SH3GL2: variants seen among roughly 807,000 people sequenced by gnomAD.
The protein encoded by SH3GL2 is SH3 domain containing GRB2 like 2, endophilin A1, also known as endophilin-A1.
SH3GL2 carries 24 observed loss-of-function variants against 46.0 expected under a neutral mutation model. The observed-to-expected ratio is 0.52, with a 90% CI of 0.38 to 0.73. The LOEUF (loss-of-function observed/expected upper bound fraction) is 0.73. Ranked by LOEUF, SH3GL2 falls within the 30% of genes least tolerant of loss-of-function variation. The probability of loss-of-function intolerance (pLI) is 0.00; values close to 1 mark genes in which losing one functional copy is unlikely to be tolerated. For missense variants in SH3GL2, 413 were observed against 424.2 expected, an observed-to-expected ratio of 0.97 and a Z score of 0.23; for synonymous variants, 196 against 147.1, an observed-to-expected ratio of 1.33 and a Z score of -2.40.
chr9:17,735,735 A>T (rs933047039), intron 1 of SH3GL2: 2 of 975,522 alleles, frequency 2.1e-6, no homozygotes, highest in African/African-American at 1.8e-5. Context: ...TTGAGGCAGT[A>T]GGAAATGGGA....
At chr9:17,622,722 T>A (rs2134604535) in intron 1 of SH3GL2, among the ~76,000 whole-genome samples, 1 of 152,254 alleles carries the variant, frequency 6.6e-6, no homozygotes, top group East Asian at 1.9e-4. Context: ...TAGGTGCTCT[T>A]GATGTCCTTA....
chr9:17,620,987 T>C (rs998262079), intron 1 of SH3GL2, among the ~76,000 whole-genome samples: 3 of 152,220 alleles, frequency 2.0e-5, no homozygotes, highest in Admixed American at 6.5e-5. Context: ...AAAATACTTA[T>C]AATGTGTAGT....
chr9:17,777,975 C>T (rs10963267), intron 3 of SH3GL2, among the ~76,000 whole-genome samples: 1 of 151,624 alleles, frequency 6.6e-6, no homozygotes, highest in African/African-American at 2.4e-5. Flanking sequence ...TATTTATAGC[C>T]GAACCCACCA....
Position 17,579,303 on chromosome 9 carries a change from G to A in SH3GL2, c.45+16G>A, listed in dbSNP as rs1011542628. On this transcript the variant is annotated intron_variant, in intron 1 of 8. Coordinates refer to ENST00000380607, the MANE Select transcript of SH3GL2 (RefSeq NM_003026.5). Reference sequence around the variant, plus strand: ...AGCCACTCAGGTAAGGCGCGCGGCAGGTGCGTCCCGGGGCAGTCCGGGGCG... The same window carrying A: ...AGCCACTCAGGTAAGGCGCGCGGCAAGTGCGTCCCGGGGCAGTCCGGGGCG... 1.3e-6 allele frequency: 2 copies of A among 1,551,136 alleles called. No homozygotes were observed. The highest frequency in any genetic ancestry group is 2.6e-5 in the East Asian group (1 of 38,192).
In SH3GL2 at chr9:17,785,120, G is replaced by T. The variant is rs779550080; in HGVS notation, c.188-1261G>T. 3.3e-5 allele frequency among the ~76,000 whole-genome samples: 5 copies of T among 152,262 alleles called. No homozygotes were observed. The South Asian group carries it at 6.2e-4, about 19-fold the overall frequency. On this transcript the variant is annotated intron_variant, in intron 3 of 8. Transcript: ENST00000380607. ...GTCACCACCAGCCTTTACATGTGCTGTTAGCCTAACTGCTACATACTGTTT... is the reference window on the plus strand; with the variant it reads ...GTCACCACCAGCCTTTACATGTGCTTTTAGCCTAACTGCTACATACTGTTT...
rs527651036 is a variant in SH3GL2, at chr9:17,789,879, T to C, written c.624+329T>C. ...TTAAAAGTAAAAAACAGAATGGTTGTAAGGGTACTTGAGGTATGGTTTCTA... is the reference window on the plus strand; with the variant it reads ...TTAAAAGTAAAAAACAGAATGGTTGCAAGGGTACTTGAGGTATGGTTTCTA... On this transcript the variant is annotated intron_variant, in intron 6 of 8. Transcript: ENST00000380607. 4.3e-5 allele frequency: 24 copies of C among 558,018 alleles called. No homozygotes were observed. In the East Asian group the frequency reaches 2.4e-3, roughly 55 times the overall value. 34.6% of individuals were successfully genotyped at this position (558,018 alleles called of 1,614,324 possible). A position where few individuals can be genotyped will look rare whatever the true frequency, so the allele number is the denominator to read the frequency against.
rs146535379 is a variant in SH3GL2 at position 17,631,488 on chromosome 9, C to A, written c.45+52201C>A. On this transcript the variant is annotated intron_variant, in intron 1 of 8. Transcript: ENST00000380607. ...AATGTAAACCCACCAAACAAGATTT[C>A]TGGCAGTTCTGTACATGGAAAATAT... 7.9e-5 allele frequency among the ~76,000 whole-genome samples: 12 copies of A among 152,158 alleles called. 1 individual carries two copies. The highest frequency in any genetic ancestry group is 1.8e-4 in the Non-Finnish European group (12 of 68,040).
intron 1 of SH3GL2, among the ~76,000 whole-genome samples, chr9:17,744,710 T>C (rs966372416): frequency 6.6e-6 from 1 of 152,164 alleles, no homozygotes; most frequent in Non-Finnish European, 1.5e-5. Flanking sequence ...ACCCAATTTC[T>C]AGTTTGCTAA....
intron 1 of SH3GL2, among the ~76,000 whole-genome samples, chr9:17,637,941 G>A (rs1172878209): frequency 6.6e-6 from 1 of 152,080 alleles, no homozygotes; most frequent in Non-Finnish European, 1.5e-5. Context: ...CGGATCACGA[G>A]GTCAGGAGAT....
chr9:17,684,287 G>A (rs1265031983), intron 1 of SH3GL2, among the ~76,000 whole-genome samples: 2 of 152,042 alleles, frequency 1.3e-5, no homozygotes, highest in African/African-American at 4.8e-5. Flanking sequence ...GAAAAACTTA[G>A]TAACAGAGAT....
intron 1 of SH3GL2, among the ~76,000 whole-genome samples, chr9:17,676,480 C>T (rs1320327148): frequency 6.6e-6 from 1 of 152,098 alleles, no homozygotes. Context: ...GTAGTGGGCA[C>T]CTGTAATCCC....
intron 1 of SH3GL2, among the ~76,000 whole-genome samples, chr9:17,623,961 T>C (rs376863873): frequency 1.7e-3 from 264 of 152,346 alleles, no homozygotes; most frequent in African/African-American, 5.8e-3. Context: ...ACATTTTGAA[T>C]AATATTTTTC....
chr9:17,606,059 G>A (rs1818755016), intron 1 of SH3GL2, among the ~76,000 whole-genome samples: 1 of 150,500 alleles, frequency 6.6e-6, no homozygotes, highest in Non-Finnish European at 1.5e-5. Context: ...CAACCTTGAC[G>A]GCGGGGTCAG....
At chr9:17,661,024 C>T (rs771718776) in intron 1 of SH3GL2, among the ~76,000 whole-genome samples, 3 of 151,928 alleles carry the variant, frequency 2.0e-5, no homozygotes, top group East Asian at 3.9e-4. Flanking sequence ...TAGCTGGGCA[C>T]GATGGCAGGC....
chr9:17,742,848 GTT>G (rs531733753), intron 1 of SH3GL2, among the ~76,000 whole-genome samples: 1 of 152,198 alleles, frequency 6.6e-6, no homozygotes, highest in South Asian at 2.1e-4. Context: ...TTTAGGAGTT[GTT>G]TTTAGTTTTT....
intron 1 of SH3GL2, among the ~76,000 whole-genome samples, chr9:17,585,817 T>C (rs567114014): frequency 6.6e-6 from 1 of 152,268 alleles, no homozygotes; most frequent in South Asian, 2.1e-4. Context: ...GGTGGGGTGT[T>C]CACAGTTAGC....
intron 1 of SH3GL2, among the ~76,000 whole-genome samples, chr9:17,738,522 G>A (rs1822411255): frequency 7.8e-6 from 1 of 127,804 alleles, no homozygotes; most frequent in Non-Finnish European, 1.8e-5. Context: ...ATATGTGTGT[G>A]TATATACATA....
At chr9:17,736,279 A>T (rs1185454998) in intron 1 of SH3GL2, among the ~76,000 whole-genome samples, 1 of 152,032 alleles carries the variant, frequency 6.6e-6, no homozygotes, top group African/African-American at 2.4e-5. Context: ...ATTTCTAGAG[A>T]TACTAATTTT....
chr9:17,667,809 A>C (rs531480683), intron 1 of SH3GL2, among the ~76,000 whole-genome samples: 3 of 152,246 alleles, frequency 2.0e-5, no homozygotes, highest in African/African-American at 7.2e-5. Flanking sequence ...CATCTCTACC[A>C]ATACTTGCTG....
Sources: gnomAD v4.1 joint callset for allele counts (sites outside exome capture counted in the v4.1 genomes callset) on GRCh38, gnomAD v4.1.1 for gene constraint, MANE v1.5 for transcripts, NCBI Gene and HGNC (gene_info 2026-07-23, HGNC 2026-07-21) for gene names.